MACROD2: variants seen among roughly 807,000 people sequenced by gnomAD.
MACROD2 encodes the protein ADP-ribose glycohydrolase MACROD2.
MACROD2 carries 36 observed loss-of-function variants against 70.4 expected under a neutral mutation model. That is an observed-to-expected ratio of 0.51 (90% confidence interval 0.39 to 0.68). The LOEUF is 0.68. Ranked by LOEUF, MACROD2 falls within the 30% of genes least tolerant of loss-of-function variation. The pLI is 0.00. For missense variants in MACROD2, 496 were observed against 538.4 expected (o/e 0.92, Z 0.78); for synonymous variants, 172 against 178.8 (o/e 0.96, Z 0.30).
chr20:15,269,665 G>A (rs568595026), intron 6 of MACROD2, among the ~76,000 whole-genome samples: 133 of 152,260 alleles, frequency 8.7e-4, no homozygotes, highest in Non-Finnish European at 1.7e-3. Flanking sequence ...TTCTGGAGCA[G>A]CTGTCATTAT....
intron 7 of MACROD2, among the ~76,000 whole-genome samples, chr20:15,488,710 G>A (rs1312846508): frequency 6.6e-6 from 1 of 152,154 alleles, no homozygotes; most frequent in East Asian, 1.9e-4. Flanking sequence ...TCATCTCTCA[G>A]TAGATCCCAA....
intron 3 of MACROD2, among the ~76,000 whole-genome samples, chr20:14,246,936 G>A (rs1055448321): frequency 1.3e-5 from 2 of 152,028 alleles, no homozygotes; most frequent in Non-Finnish European, 2.9e-5. Flanking sequence ...GTGAAATTTT[G>A]TCTTTATGAC....
At chr20:14,010,045 G>A (rs981634588) in intron 2 of MACROD2, among the ~76,000 whole-genome samples, 1 of 152,084 alleles carries the variant, frequency 6.6e-6, no homozygotes, top group African/African-American at 2.4e-5. Flanking sequence ...TAGGTGATGG[G>A]TTGATCTGTG....
chr20:14,726,240 C>A (rs896851401), intron 5 of MACROD2, among the ~76,000 whole-genome samples: 32 of 152,038 alleles, frequency 2.1e-4, no homozygotes, highest in Admixed American at 1.9e-3. Flanking sequence ...AAATGTGACA[C>A]CATCAAATAT....
chr20:14,319,594 C>A (rs1485619126), intron 3 of MACROD2, among the ~76,000 whole-genome samples: 1 of 152,072 alleles, frequency 6.6e-6, no homozygotes, highest in Non-Finnish European at 1.5e-5. Context: ...GAGGCTTTTC[C>A]CTCATTACTC....
chr20:14,356,318 G>A (rs550126578), intron 3 of MACROD2, among the ~76,000 whole-genome samples: 1 of 151,856 alleles, frequency 6.6e-6, no homozygotes, highest in African/African-American at 2.4e-5. Context: ...GTTTTAATAG[G>A]TCTTACTATT....
intron 3 of MACROD2, among the ~76,000 whole-genome samples, chr20:14,239,523 G>T (rs571857703): frequency 2.6e-5 from 4 of 152,142 alleles, no homozygotes; most frequent in Non-Finnish European, 5.9e-5. Context: ...CAGACACACA[G>T]ACAAATGGAG....
At chr20:16,035,240 A>G (rs2067219424) in intron 15 of MACROD2, among the ~76,000 whole-genome samples, 1 of 144,952 alleles carries the variant, frequency 6.9e-6, no homozygotes, top group East Asian at 2.0e-4. Context: ...GAGTTTCTTT[A>G]TCCACTCATT....
At chr20:15,312,947 A>G (rs1209402568) in intron 6 of MACROD2, among the ~76,000 whole-genome samples, 1 of 152,206 alleles carries the variant, frequency 6.6e-6, no homozygotes, top group Non-Finnish European at 1.5e-5. Flanking sequence ...GATTTTCTCT[A>G]GTACATGTAT....
chr20:15,697,421 T>G (rs1477944101), intron 8 of MACROD2, among the ~76,000 whole-genome samples: 1 of 152,224 alleles, frequency 6.6e-6, no homozygotes, highest in Non-Finnish European at 1.5e-5. Context: ...GAGAGAGTGC[T>G]TGCTATAATT....
intron 4 of MACROD2, among the ~76,000 whole-genome samples, chr20:14,560,793 CAG>C (rs1258194785): frequency 1.3e-5 from 2 of 151,882 alleles, no homozygotes; most frequent in East Asian, 1.9e-4. Flanking sequence ...ACTAATTTCA[CAG>C]AGTCATTTAT....
At chr20:15,635,679 C>A (rs2049353122) in intron 8 of MACROD2, among the ~76,000 whole-genome samples, 3 of 152,290 alleles carry the variant, frequency 2.0e-5, no homozygotes, top group Middle Eastern at 6.8e-3. Context: ...TAAGCCTCAG[C>A]ATCCTGCAAT....
chr20:14,884,291 A>C (rs911108535), intron 5 of MACROD2: 3 of 152,316 alleles, frequency 2.0e-5, no homozygotes, highest in African/African-American at 7.2e-5. Flanking sequence ...TTGGTTCACA[A>C]ATCTGCAGTT....
chr20:15,848,915 T>C (rs774234228), intron 8 of MACROD2, among the ~76,000 whole-genome samples: 19 of 152,066 alleles, frequency 1.2e-4, no homozygotes, highest in Non-Finnish European at 2.4e-4. Flanking sequence ...AAAAGGGGTG[T>C]CTCCTCCAGG....
At chr20:15,163,584 G>C (rs113713077) in intron 5 of MACROD2, among the ~76,000 whole-genome samples, 1 of 152,152 alleles carries the variant, frequency 6.6e-6, no homozygotes, top group African/African-American at 2.4e-5. Flanking sequence ...GGGATTTATT[G>C]AATAGTCATA....
At chr20:15,180,718 T>C (rs2076494353) in intron 5 of MACROD2, among the ~76,000 whole-genome samples, 1 of 152,240 alleles carries the variant, frequency 6.6e-6, no homozygotes, top group Non-Finnish European at 1.5e-5. Flanking sequence ...GTCAAACTCC[T>C]GACCTCAAGT....
intron 8 of MACROD2, among the ~76,000 whole-genome samples, chr20:15,830,216 C>T (rs1039076626): frequency 6.6e-6 from 1 of 152,136 alleles, no homozygotes; most frequent in African/African-American, 2.4e-5. Flanking sequence ...TTCAATAAAA[C>T]GTTCCCAAAT....
chr20:15,658,557 A>G (rs1191486436), intron 8 of MACROD2, among the ~76,000 whole-genome samples: 1 of 152,176 alleles, frequency 6.6e-6, no homozygotes, highest in Non-Finnish European at 1.5e-5. Flanking sequence ...GGTCAAAACA[A>G]TGAGGAATTG....
chr20:15,013,309 G>A (rs947180927), intron 5 of MACROD2, among the ~76,000 whole-genome samples: 9 of 152,256 alleles, frequency 5.9e-5, no homozygotes, highest in African/African-American at 2.2e-4. Flanking sequence ...AATTTATAAA[G>A]AGGAATAGTC....
Sources: gnomAD v4.1 joint callset for allele counts (sites outside exome capture counted in the v4.1 genomes callset) on GRCh38, gnomAD v4.1.1 for gene constraint, MANE v1.5 for transcripts, NCBI Gene and HGNC (gene_info 2026-07-23, HGNC 2026-07-21) for gene names.